OXR1: variants seen among roughly 807,000 people sequenced by gnomAD.
OXR1 encodes the protein oxidation resistance 1.
In OXR1, 41 loss-of-function variants were observed where a neutral mutation model predicts 104.6. That is an observed-to-expected ratio of 0.39 (90% CI 0.31 to 0.51). The LOEUF (loss-of-function observed/expected upper bound fraction) is 0.51. Among genes scored for constraint, OXR1 ranks in the 20% least tolerant of loss-of-function variants. The probability of loss-of-function intolerance (pLI) is 0.77; values close to 1 mark genes in which losing one functional copy is unlikely to be tolerated. For synonymous variants in OXR1, 348 were observed against 348.4 expected, an observed-to-expected ratio of 1.00 and a Z score of 0.01; for missense variants, 955 against 1,031.9, an observed-to-expected ratio of 0.93 and a Z score of 1.02.
chr8:106,448,117 C>T, intron 2 of OXR1: 1 of 1,486,234 alleles, frequency 6.7e-7, no homozygotes, highest in Non-Finnish European at 9.1e-7. Flanking sequence ...TTCCTAGTTC[C>T]ATTATAAAAT....
chr8:106,722,362 A>G (rs1192215093), intron 11 of OXR1, among the ~76,000 whole-genome samples: 1 of 152,172 alleles, frequency 6.6e-6, no homozygotes, highest in East Asian at 1.9e-4. Context: ...TCGAATAATC[A>G]AATAATATTA....
intron 3 of OXR1, among the ~76,000 whole-genome samples, chr8:106,672,295 T>C (rs1404804424): frequency 6.8e-6 from 1 of 146,928 alleles, no homozygotes; most frequent in Non-Finnish European, 1.5e-5. Context: ...CTGACCAATA[T>C]AGTGAAACTC....
intron 1 of OXR1, among the ~76,000 whole-genome samples, chr8:106,279,102 C>T (rs1273684210): frequency 6.6e-6 from 1 of 152,116 alleles, no homozygotes; most frequent in African/African-American, 2.4e-5. Context: ...GGTATTCTTT[C>T]ACACGACTAA....
intron 2 of OXR1, among the ~76,000 whole-genome samples, chr8:106,374,152 A>G (rs1280354737): frequency 6.6e-6 from 1 of 152,184 alleles, no homozygotes; most frequent in Non-Finnish European, 1.5e-5. Flanking sequence ...AGCCTACTGG[A>G]GTCTTCTTTT....
chr8:106,503,226 C>A (rs1316587957), intron 2 of OXR1, among the ~76,000 whole-genome samples: 2 of 152,060 alleles, frequency 1.3e-5, no homozygotes, highest in African/African-American at 4.8e-5. Context: ...CCTTCCTTAG[C>A]CAGAGAACAA....
chr8:106,339,029 T>C (rs1318769524), intron 1 of OXR1, among the ~76,000 whole-genome samples: 5 of 152,138 alleles, frequency 3.3e-5, no homozygotes, highest in Non-Finnish European at 7.4e-5. Flanking sequence ...CCCAATTTTC[T>C]CTTAGTTTAA....
intron 2 of OXR1, among the ~76,000 whole-genome samples, chr8:106,425,759 C>G (rs1819092574): frequency 6.6e-6 from 1 of 152,258 alleles, no homozygotes; most frequent in Admixed American, 6.5e-5. Flanking sequence ...GAAGTGAGTT[C>G]TTGGTATCAT....
intron 1 of OXR1, among the ~76,000 whole-genome samples, chr8:106,305,955 A>G (rs1813448308): frequency 6.6e-6 from 1 of 151,994 alleles, no homozygotes; most frequent in Admixed American, 6.6e-5. Context: ...AGACTACCCA[A>G]TTGACTTAGA....
intron 3 of OXR1, among the ~76,000 whole-genome samples, chr8:106,651,221 C>T (rs1265538778): frequency 6.6e-6 from 1 of 152,202 alleles, no homozygotes; most frequent in African/African-American, 2.4e-5. Flanking sequence ...TTTTGATCTT[C>T]ACCATCCTGA....
chr8:106,308,184 T>C (rs1813544325), intron 1 of OXR1, among the ~76,000 whole-genome samples: 1 of 152,086 alleles, frequency 6.6e-6, no homozygotes, highest in Non-Finnish European at 1.5e-5. Context: ...GGGCTGATGG[T>C]GTTAAGTCCT....
chr8:106,415,754 C>A (rs1195867833), intron 2 of OXR1, among the ~76,000 whole-genome samples: 2 of 152,094 alleles, frequency 1.3e-5, no homozygotes, highest in Non-Finnish European at 2.9e-5. Context: ...TCTTTGTCTG[C>A]ATTCCAATAT....
intron 2 of OXR1, among the ~76,000 whole-genome samples, chr8:106,382,341 G>A (rs753136416): frequency 1.3e-5 from 2 of 152,052 alleles, no homozygotes; most frequent in Non-Finnish European, 2.9e-5. Context: ...AAAAAATGCA[G>A]CATCCTGATT....
intron 1 of OXR1, among the ~76,000 whole-genome samples, chr8:106,355,354 A>G (rs1204340243): frequency 6.6e-6 from 1 of 152,210 alleles, no homozygotes; most frequent in East Asian, 1.9e-4. Context: ...TGAAGATTTT[A>G]AAGATGTTTT....
At chr8:106,288,988 C>G (rs972275823) in intron 1 of OXR1, among the ~76,000 whole-genome samples, 1 of 151,946 alleles carries the variant, frequency 6.6e-6, no homozygotes, top group Non-Finnish European at 1.5e-5. Context: ...ACTCTGCTTT[C>G]CAGTTTATAG....
At chr8:106,591,370 A>T (rs1489403625) in intron 3 of OXR1, among the ~76,000 whole-genome samples, 1 of 150,266 alleles carries the variant, frequency 6.7e-6, no homozygotes, top group African/African-American at 2.5e-5. Context: ...GGTGCAGCAC[A>T]CCAACATGGC....
chr8:106,450,374 C>A (rs1050510113), intron 2 of OXR1, among the ~76,000 whole-genome samples: 4 of 151,990 alleles, frequency 2.6e-5, no homozygotes, highest in African/African-American at 9.7e-5. Flanking sequence ...AGTTTAGATT[C>A]TTTGTAGCAA....
At chr8:106,658,065 G>A (rs993833506) in intron 3 of OXR1, 16 of 1,248,556 alleles carry the variant, frequency 1.3e-5, no homozygotes, top group Non-Finnish European at 1.5e-5. Flanking sequence ...GGGGTTCGGG[G>A]GCGGCGGCGA....
chr8:106,363,764 C>T (rs1310530424), intron 2 of OXR1, among the ~76,000 whole-genome samples: 2 of 151,924 alleles, frequency 1.3e-5, no homozygotes, highest in East Asian at 1.9e-4. Context: ...TTCTTTTATA[C>T]GATTGTAAAT....
At chr8:106,640,744 T>A (rs1414774381) in intron 3 of OXR1, among the ~76,000 whole-genome samples, 1 of 152,204 alleles carries the variant, frequency 6.6e-6, no homozygotes, top group Non-Finnish European at 1.5e-5. Context: ...AAGACAAATT[T>A]AAAATTTTGA....
Sources: allele counts gnomAD v4.1 joint callset (sites outside exome capture counted in the v4.1 genomes callset), GRCh38; gene constraint gnomAD v4.1.1; transcripts MANE v1.5; gene names NCBI Gene and HGNC (gene_info 2026-07-23, HGNC 2026-07-21).